The following MAP7 variants were observed in gnomAD, a reference collection of about 807,000 sequenced individuals.
The protein encoded by MAP7 is microtubule associated protein 7.
A neutral mutation model predicts 94.8 loss-of-function variants in MAP7; 52 were observed. The ratio of observed to expected loss-of-function variants is 0.55; its 90% confidence interval spans 0.44 to 0.69. The LOEUF (loss-of-function observed/expected upper bound fraction) is 0.69. Among genes scored for constraint, MAP7 ranks in the 30% least tolerant of loss-of-function variants. The pLI, the probability that MAP7 is intolerant of heterozygous loss-of-function variation, is 0.00. For missense variants in MAP7, 940 were observed against 964.6 expected (o/e 0.97, Z 0.34); for synonymous variants, 350 against 357.0 (o/e 0.98, Z 0.22).
chr6:136,471,961 G>A (rs112297469), intron 1 of MAP7, among the ~76,000 whole-genome samples: 50 of 152,128 alleles, frequency 3.3e-4, no homozygotes, highest in South Asian at 6.2e-4. Flanking sequence ...TGATTGAAGC[G>A]AAAGTTCTTA....
intron 15 of MAP7, among the ~76,000 whole-genome samples, chr6:136,359,026 C>A (rs1791771796): frequency 6.6e-6 from 1 of 152,128 alleles, no homozygotes; most frequent in Non-Finnish European, 1.5e-5. Context: ...CAAAGCAAAC[C>A]ACTTCACAAG....
chr6:136,420,381 A>T, intron 2 of MAP7: 1 of 563,390 alleles, frequency 1.8e-6, no homozygotes, highest in Middle Eastern at 3.9e-4. Context: ...TCAGTGCAGC[A>T]CCAGGAGGCC....
At chr6:136,490,851 G>A (rs1042323286) in intron 1 of MAP7, among the ~76,000 whole-genome samples, 1 of 152,102 alleles carries the variant, frequency 6.6e-6, no homozygotes, top group African/African-American at 2.4e-5. Context: ...ACACCTATAG[G>A]TCTGTCTGAC....
intron 1 of MAP7, among the ~76,000 whole-genome samples, chr6:136,449,382 C>T (rs530398623): frequency 1.3e-5 from 2 of 152,304 alleles, no homozygotes; most frequent in East Asian, 3.9e-4. Flanking sequence ...GAGCAAAGAA[C>T]AATTCGAGAA....
Position 136,448,597 on chromosome 6 carries a change from T to C in MAP7, c.68-26798A>G, listed in dbSNP as rs573378377. 4.3e-4 allele frequency among the ~76,000 whole-genome samples: 65 copies of C among 152,092 alleles called. 1 individual carries two copies. The highest frequency in any genetic ancestry group is 6.9e-4 in the Non-Finnish European group (47 of 67,988). On this transcript the variant is annotated intron_variant, in intron 1 of 17. Transcript: ENST00000354570. ...GCCTGGTTAATTTTTGTATTTTTAC[T>C]AGAGACAGGGTTTCACCATGTTGGG...
intron 1 of MAP7, among the ~76,000 whole-genome samples, chr6:136,448,571 C>T (rs1201389666): frequency 3.3e-5 from 5 of 151,908 alleles, no homozygotes; most frequent in East Asian, 2.0e-4. Flanking sequence ...CCCGCCACCA[C>T]GCCTGGTTAA....
rs1227548581 is a variant in MAP7 at position 136,343,163 on chromosome 6, A to C, written c.*1065T>G. ...TTGTACAGCTAGGCTCAGCAGCAAA[A>C]GTGAAGAATAAGAATGAAAGGTGAA... is the stretch of plus-strand genomic sequence containing the variant. On this transcript the variant is annotated 3_prime_UTR_variant, in exon 18 of 18. Transcript: ENST00000354570. 6.6e-6 allele frequency: 1 copy of C among 152,654 alleles called. No individual in the cohort carries two copies. Among genetic ancestry groups the C allele is most frequent in the Non-Finnish European group, 1.5e-5 (1 of 68,042 alleles). 9.5% of individuals were successfully genotyped at this position (152,654 alleles called of 1,614,324 possible).
intron 15 of MAP7, among the ~76,000 whole-genome samples, chr6:136,357,132 G>GT (rs1417985878): frequency 1.4e-4 from 21 of 152,300 alleles, no homozygotes; most frequent in Middle Eastern, 3.4e-3. Flanking sequence ...AAAGATAGCA[G>GT]TAAGCTGACT....
intron 1 of MAP7, among the ~76,000 whole-genome samples, chr6:136,485,555 ATTTTTTTTTT>A (rs747333121): frequency 8.2e-5 from 8 of 98,136 alleles, no homozygotes; most frequent in African/African-American, 1.3e-4. Context: ...TCCACTTCAG[ATTTTTTTTTT>A]TTTTTTTTTT....
rs771767545 is a variant in MAP7 at position 136,361,121 on chromosome 6, C to G, written c.1585G>C (p.Glu529Gln). The G allele has an allele frequency of 3.1e-6, 5 of 1,605,678 alleles. No individual in the cohort carries two copies. The highest frequency in any genetic ancestry group is 8.5e-7 in the Non-Finnish European group (1 of 1,179,942). Residue 529 changes from glutamate (E) to glutamine (Q), a missense_variant, in exon 12 of 18, where the codon GAG becomes CAG. Transcript: ENST00000354570. ...TCGGCTTCCAGCCTGCGCGACTCCT[C>G]CTCACGGCGAGTCGTCCTCTCTTCA... ...VAEERTTRRE[E>Q]ESRRLEAEQA... is the part of the protein sequence containing the mutation.
chr6:136,428,372 C>T (rs2128797451), intron 1 of MAP7, among the ~76,000 whole-genome samples: 1 of 152,100 alleles, frequency 6.6e-6, no homozygotes, highest in South Asian at 2.1e-4. Context: ...AAAAATTAGC[C>T]AGGCGTGGTG....
chr6:136,448,007 T>C (rs1430780925), intron 1 of MAP7, among the ~76,000 whole-genome samples: 1 of 151,972 alleles, frequency 6.6e-6, no homozygotes, highest in Non-Finnish European at 1.5e-5. Context: ...CTAATCAACA[T>C]GGTGAAACCC....
chr6:136,437,903 C>T (rs551411087), intron 1 of MAP7, among the ~76,000 whole-genome samples: 36 of 152,286 alleles, frequency 2.4e-4, no homozygotes, highest in African/African-American at 8.4e-4. Context: ...TTATTATAAA[C>T]CTTTATGACT....
At chr6:136,474,026 G>A (rs1463579992) in intron 1 of MAP7, among the ~76,000 whole-genome samples, 1 of 152,120 alleles carries the variant, frequency 6.6e-6, no homozygotes, top group African/African-American at 2.4e-5. Context: ...CCTCTCTGAG[G>A]AAGTAGCAGT....
intron 1 of MAP7, among the ~76,000 whole-genome samples, chr6:136,547,660 T>A (rs2129063045): frequency 6.6e-6 from 1 of 151,980 alleles, no homozygotes; most frequent in South Asian, 2.1e-4. Flanking sequence ...GAAAAATAAA[T>A]GTTTTCGCCA....
Position 136,550,388 on chromosome 6 carries a change from G to C in MAP7, c.21C>G (p.Gly7=), listed in dbSNP as rs764246465. ...CGTCGCCGCCCCTGTGGCCGTCGCC[G>C]CCAGCTCCTAGCTCCGCCATGGTGC... is the stretch of plus-strand genomic sequence containing the variant. MAELGA[G]GDGHRGGDGA... is the part of the protein sequence containing the mutation. Residue 7 remains glycine, a synonymous_variant, in exon 1 of 18, where the codon GGC becomes GGG. Coordinates refer to ENST00000354570, the MANE Select transcript of MAP7 (RefSeq NM_003980.6). The surrounding 1 kb of genome is among the most constrained non-coding windows in gnomAD (Gnocchi z 5.1). 3.3e-6 allele frequency: 5 copies of C among 1,528,136 alleles called. No individual in the cohort carries two copies. The highest frequency in any genetic ancestry group is 3.5e-6 in the Non-Finnish European group (4 of 1,145,842). 94.7% of individuals were successfully genotyped at this position (1,528,136 alleles called of 1,614,324 possible).
At chr6:136,499,302 C>T (rs1439154353) in intron 1 of MAP7, among the ~76,000 whole-genome samples, 3 of 152,074 alleles carry the variant, frequency 2.0e-5, no homozygotes, top group Non-Finnish European at 4.4e-5. Context: ...AGAAAAAGAA[C>T]CCACCCACCT....
At chr6:136,521,129 C>G (rs1826291518) in intron 1 of MAP7, among the ~76,000 whole-genome samples, 1 of 152,096 alleles carries the variant, frequency 6.6e-6, no homozygotes, top group Non-Finnish European at 1.5e-5. Flanking sequence ...AGAAAGAGGA[C>G]AAGGGTGGCT....
At chr6:136,482,574 C>G (rs576374668) in intron 1 of MAP7, among the ~76,000 whole-genome samples, 1 of 150,966 alleles carries the variant, frequency 6.6e-6, no homozygotes, top group East Asian at 2.0e-4. Flanking sequence ...ACACTCTAGC[C>G]TGGGCAACAG....
Sources: allele counts gnomAD v4.1 joint callset (sites outside exome capture counted in the v4.1 genomes callset), GRCh38; gene constraint gnomAD v4.1.1; non-coding constraint Gnocchi (gnomAD v3.1); transcripts MANE v1.5; gene names NCBI Gene and HGNC (gene_info 2026-07-23, HGNC 2026-07-21).